IMMP2L: variants seen among roughly 807,000 people sequenced by gnomAD.
The protein encoded by IMMP2L is mitochondrial inner membrane protease subunit 2.
A neutral mutation model predicts 19.3 loss-of-function variants in IMMP2L; 18 were observed. The ratio of observed to expected loss-of-function variants is 0.93; its 90% confidence interval spans 0.64 to 1.38. The LOEUF is 1.38. Ranked by LOEUF, IMMP2L falls within the 40% of genes most tolerant of loss-of-function variation. The pLI is 0.00. For missense variants in IMMP2L, 233 were observed against 218.2 expected (o/e 1.07, Z -0.43); for synonymous variants, 76 against 73.0 (o/e 1.04, Z -0.21).
intron 1 of IMMP2L, among the ~76,000 whole-genome samples, chr7:111,530,773 T>A (rs536335689): frequency 6.6e-6 from 1 of 152,240 alleles, no homozygotes; most frequent in East Asian, 1.9e-4. Context: ...TGTTTCTGTA[T>A]GTTTAAAATT....
intron 5 of IMMP2L, among the ~76,000 whole-genome samples, chr7:110,767,757 A>C (rs1358945620): frequency 6.6e-6 from 1 of 152,136 alleles, no homozygotes; most frequent in African/African-American, 2.4e-5. Flanking sequence ...GCTCCCATCA[A>C]GCCCTACTAA....
chr7:110,846,896 C>T (rs2131496709), intron 5 of IMMP2L, among the ~76,000 whole-genome samples: 1 of 152,236 alleles, frequency 6.6e-6, no homozygotes, highest in South Asian at 2.1e-4. Context: ...TTACCAAGCC[C>T]TGTTGGTTTT....
chr7:111,315,895 G>C (rs115121813), intron 3 of IMMP2L, among the ~76,000 whole-genome samples: 2,386 of 152,170 alleles, frequency 0.016, 87 homozygotes, highest in African/African-American at 0.054. Context: ...GGAAAGTACA[G>C]TTATGCATCA....
chr7:111,543,978 A>C (rs1172239289), intron 1 of IMMP2L, among the ~76,000 whole-genome samples: 1 of 152,170 alleles, frequency 6.6e-6, no homozygotes, highest in Admixed American at 6.6e-5. Flanking sequence ...ATACCTAAGA[A>C]TTAGGAAGAA....
chr7:111,558,493 A>G (rs1187434482), intron 1 of IMMP2L, among the ~76,000 whole-genome samples: 1 of 152,238 alleles, frequency 6.6e-6, no homozygotes, highest in Admixed American at 6.5e-5. Context: ...CACAGTAATC[A>G]TAAGTAATTA....
At chr7:110,855,300 T>A (rs1806647080) in intron 5 of IMMP2L, among the ~76,000 whole-genome samples, 1 of 152,046 alleles carries the variant, frequency 6.6e-6, no homozygotes, top group Admixed American at 6.6e-5. Flanking sequence ...TAGACACTTC[T>A]ATCTTTTCTG....
intron 3 of IMMP2L, among the ~76,000 whole-genome samples, chr7:111,035,584 T>C (rs576950650): frequency 5.3e-5 from 8 of 152,150 alleles, no homozygotes; most frequent in African/African-American, 1.9e-4. Flanking sequence ...ATTGTATACA[T>C]GCTGACATAT....
chr7:111,556,155 G>A (rs1175867290), intron 1 of IMMP2L, among the ~76,000 whole-genome samples: 4 of 151,106 alleles, frequency 2.6e-5, no homozygotes, highest in Admixed American at 1.3e-4. Flanking sequence ...AGTGATCCCA[G>A]GGGAGGGGGA....
At chr7:111,098,062 T>C (rs889423522) in intron 3 of IMMP2L, among the ~76,000 whole-genome samples, 10 of 151,782 alleles carry the variant, frequency 6.6e-5, no homozygotes, top group African/African-American at 2.4e-4. Flanking sequence ...GACTGCCATA[T>C]ATGAAAGATA....
At chr7:110,834,186 A>C (rs563466325) in intron 5 of IMMP2L, among the ~76,000 whole-genome samples, 3 of 152,062 alleles carry the variant, frequency 2.0e-5, no homozygotes, top group African/African-American at 4.8e-5. Context: ...ATGAATAATA[A>C]ATCTTAAATG....
chr7:110,694,749 A>G (rs1212069883), intron 5 of IMMP2L, among the ~76,000 whole-genome samples: 4 of 152,214 alleles, frequency 2.6e-5, no homozygotes, highest in African/African-American at 9.6e-5. Flanking sequence ...AGAATTGAAA[A>G]CAGACTCAAA....
intron 1 of IMMP2L, among the ~76,000 whole-genome samples, chr7:111,524,257 A>T (rs957080796): frequency 5.3e-5 from 8 of 151,970 alleles, no homozygotes; most frequent in African/African-American, 1.9e-4. Flanking sequence ...CAAAATATAT[A>T]TAAATAAATA....
chr7:110,716,031 T>G (rs1334843857), intron 5 of IMMP2L, among the ~76,000 whole-genome samples: 1 of 152,106 alleles, frequency 6.6e-6, no homozygotes, highest in Non-Finnish European at 1.5e-5. Context: ...TTTTTCCTTT[T>G]TTCCTGTTGT....
At chr7:110,769,957 G>T (rs546984246) in intron 5 of IMMP2L, among the ~76,000 whole-genome samples, 1 of 152,214 alleles carries the variant, frequency 6.6e-6, no homozygotes, top group Admixed American at 6.5e-5. Flanking sequence ...TATCCGAACT[G>T]TTGGGTTTCA....
chr7:111,240,347 A>C (rs537859364), intron 3 of IMMP2L, among the ~76,000 whole-genome samples: 4 of 152,098 alleles, frequency 2.6e-5, no homozygotes, highest in African/African-American at 7.2e-5. Flanking sequence ...ATACAATCTA[A>C]CCATGGCTTA....
chr7:111,262,985 G>C (rs1273927878), intron 3 of IMMP2L, among the ~76,000 whole-genome samples: 1 of 152,130 alleles, frequency 6.6e-6, no homozygotes, highest in African/African-American at 2.4e-5. Context: ...CAGAGAGGAA[G>C]AGCCCAGTGT....
intron 3 of IMMP2L, among the ~76,000 whole-genome samples, chr7:111,420,621 T>C (rs2131596015): frequency 7.0e-6 from 1 of 142,040 alleles, no homozygotes; most frequent in African/African-American, 2.6e-5. Context: ...GCGATCTCAT[T>C]GTTCAATTCC....
chr7:111,440,843 T>C (rs1441590253), intron 3 of IMMP2L, among the ~76,000 whole-genome samples: 4 of 151,880 alleles, frequency 2.6e-5, no homozygotes, highest in Admixed American at 1.3e-4. Context: ...GTAGGCGCCT[T>C]TGTCAATTAT....
rs201099637 is a variant in IMMP2L, at chr7:110,965,473, CT to C, written c.240-1909del. ...GTTTCACAGTTTTTCACTAAGTTAA[CT>C]TTTTTATTTTAAAATGAAATTTGAT... On this transcript the variant is annotated intron_variant, in intron 3 of 5. Coordinates refer to ENST00000405709, the MANE Select transcript of IMMP2L (RefSeq NM_032549.4). Among the ~76,000 whole-genome samples the C allele has an allele frequency of 7.2e-3, 1,100 of 152,062 alleles. 16 individuals are homozygous for C. Among genetic ancestry groups the C allele is most frequent in the African/African-American group, 0.026 (1,059 of 41,514 alleles).
Sources: allele counts gnomAD v4.1 joint callset (sites outside exome capture counted in the v4.1 genomes callset), GRCh38; gene constraint gnomAD v4.1.1; transcripts MANE v1.5; gene names NCBI Gene and HGNC (gene_info 2026-07-23, HGNC 2026-07-21).